The following RUFY3 variants were observed in gnomAD, a reference collection of about 807,000 sequenced individuals.
The protein encoded by RUFY3 is protein RUFY3.
In RUFY3, 34 loss-of-function variants were observed where a neutral mutation model predicts 84.0. That is an observed-to-expected ratio of 0.40 (90% CI 0.31 to 0.54). The LOEUF (loss-of-function observed/expected upper bound fraction) is 0.54. Ranked by LOEUF, RUFY3 falls within the 20% of genes least tolerant of loss-of-function variation. The probability of loss-of-function intolerance (pLI) is 0.39; values close to 1 mark genes in which losing one functional copy is unlikely to be tolerated. For missense variants in RUFY3, 507 were observed against 736.8 expected (o/e 0.69, Z 3.61); for synonymous variants, 242 against 252.9 (o/e 0.96, Z 0.41).
At chr4:70,739,165 AT>A (rs1720905151) in intron 1 of RUFY3, among the ~76,000 whole-genome samples, 1 of 151,816 alleles carries the variant, frequency 6.6e-6, no homozygotes, top group African/African-American at 2.4e-5. Flanking sequence ...ACCTCAAAGC[AT>A]TTATGAAAAT....
chr4:70,788,756 A>G (rs1730321658), intron 10 of RUFY3, 50 bp from the exon 11 acceptor site: 1 of 1,597,744 alleles, frequency 6.3e-7, no homozygotes, highest in Admixed American at 1.7e-5. Flanking sequence ...TATGGTTTGT[A>G]CTTAGTTGAA....
In RUFY3 at chr4:70,800,218, C is replaced by G; in HGVS notation, c.1622+13C>G. ...AAGAAAGCCACAGGTGTTTGTTAAT[C>G]AAGTATTAACTAAGATGTAAAGTTA... On this transcript the variant is annotated intron_variant, in intron 15 of 17. Transcript: ENST00000381006. The G allele has an allele frequency of 6.3e-7, 1 of 1,586,828 alleles. No individual in the cohort carries two copies.
At chr4:70,802,085 A>G (rs1732301449) in intron 15 of RUFY3, among the ~76,000 whole-genome samples, 1 of 152,234 alleles carries the variant, frequency 6.6e-6, no homozygotes, top group South Asian at 2.1e-4. Flanking sequence ...CAGATGAGAA[A>G]ACTGAGAAGC....
rs879451569 is a variant in RUFY3 at position 70,807,844 on chromosome 4, T to TAA, written c.*1186_*1187insAA. Among the ~76,000 whole-genome samples the TAA allele has an allele frequency of 6.6e-6, 1 of 152,124 alleles. No individual in the cohort carries two copies. The highest frequency in any genetic ancestry group is 6.5e-5 in the Admixed American group (1 of 15,274). ...CTGAGAACAGTTAGCTCGGAATACT[T>TAA]ACATTGTTTTTTGAATAAGGAATTC... On this transcript the variant is annotated 3_prime_UTR_variant, in exon 18 of 18. Coordinates refer to ENST00000381006, the MANE Select transcript of RUFY3 (RefSeq NM_001037442.4).
intron 14 of RUFY3, among the ~76,000 whole-genome samples, chr4:70,795,155 T>C (rs1009663590): frequency 3.3e-5 from 5 of 152,216 alleles, no homozygotes; most frequent in Non-Finnish European, 5.9e-5. Context: ...TTTAATAATT[T>C]TTTAAGTAAG....
intron 10 of RUFY3, among the ~76,000 whole-genome samples, chr4:70,787,187 A>AAAAAAAAAAAAAAAAATATATATAT (rs1553920475): frequency 6.1e-5 from 5 of 81,460 alleles, no homozygotes; most frequent in African/African-American, 2.6e-4. Context: ...AAAAAAAAAA[A>AAAAAAAAAAAAAAAAATATATATAT]ATATATATAT....
intron 7 of RUFY3, among the ~76,000 whole-genome samples, chr4:70,775,436 TG>T (rs1720919956): frequency 6.6e-6 from 1 of 151,478 alleles, no homozygotes; most frequent in African/African-American, 2.4e-5. Context: ...CAGTATATAA[TG>T]TTATATATAA....
intron 2 of RUFY3, among the ~76,000 whole-genome samples, chr4:70,762,894 T>C (rs1725270055): frequency 6.6e-6 from 1 of 152,198 alleles, no homozygotes; most frequent in Non-Finnish European, 1.5e-5. Context: ...GATCATTAAA[T>C]GTTACAGTTG....
In RUFY3 at chr4:70,788,807, A is replaced by T. The variant is rs772851352; in HGVS notation, c.1073A>T (p.Asp358Val). ...CAATTTACTTACCTTTGGGGGCAGG[A>T]TGTTGAGAAAGAACTGGAGATGCAG... The part of the protein sequence containing the change: ...HLKEETQLRL[D>V]VEKELEMQIS... The change falls in exon 11 of 18, where the codon GAT (aspartate) becomes GTT (valine). Residue 358 changes from aspartate to valine, a missense_variant and splice_region_variant. Around this residue, in one of 4 missense-constraint regions of RUFY3, gnomAD observed 334 missense variants for 364.1 expected, o/e 0.92. Coordinates refer to ENST00000381006, the MANE Select transcript of RUFY3 (RefSeq NM_001037442.4). The T allele has an allele frequency of 1.2e-6, 2 of 1,613,736 alleles. No homozygotes were observed. Among genetic ancestry groups the T allele is most frequent in the East Asian group, 2.2e-5 (1 of 44,886 alleles).
At chr4:70,776,019 ATTAAT>A (rs1461475249) in intron 7 of RUFY3, among the ~76,000 whole-genome samples, 1 of 151,952 alleles carries the variant, frequency 6.6e-6, no homozygotes, top group African/African-American at 2.4e-5. Flanking sequence ...AATTAATAGC[ATTAAT>A]TTAATATATA....
In RUFY3 at chr4:70,740,848, A is replaced by T. The variant is rs186398057; in HGVS notation, c.178+18097A>T. ...TATATAGACACATAATTCCAAAATT[A>T]AAAAAACCTCTGGAAATGAAAAGCA... On this transcript the variant is annotated intron_variant, in intron 1 of 17. Coordinates refer to ENST00000381006, the MANE Select transcript of RUFY3 (RefSeq NM_001037442.4). Among the ~76,000 whole-genome samples the T allele has an allele frequency of 2.3e-4, 35 of 152,290 alleles. No individual in the cohort carries two copies. In the East Asian group the frequency reaches 6.2e-3, roughly 27 times the overall value.
Position 70,763,533 on chromosome 4 carries a change from T to C in RUFY3, c.353-19T>C, listed in dbSNP as rs1488596150. 2 of 1,593,348 alleles carry C rather than the reference T, an allele frequency of 1.3e-6. No individual in the cohort carries two copies. The highest frequency in any genetic ancestry group is 1.1e-5 in the South Asian group (1 of 89,054). On this transcript the variant is annotated intron_variant, in intron 2 of 17. Coordinates refer to ENST00000381006, the MANE Select transcript of RUFY3 (RefSeq NM_001037442.4). Reference sequence around the variant, plus strand: ...GTTGTAAAGAATATTAAAATACTGCTTTATTTTTGTTGCCTTAGCTAAAAA... The same window carrying C: ...GTTGTAAAGAATATTAAAATACTGCCTTATTTTTGTTGCCTTAGCTAAAAA...
At chr4:70,735,759 G>A (rs997163102) in intron 1 of RUFY3, among the ~76,000 whole-genome samples, 1 of 152,040 alleles carries the variant, frequency 6.6e-6, no homozygotes, top group African/African-American at 2.4e-5. Flanking sequence ...GGTCGAGGCG[G>A]GTGGATCACC....
At chr4:70,794,701 T>A in intron 13 of RUFY3, 94 bp from the exon 14 acceptor site, 2 of 784,192 alleles carry the variant, frequency 2.6e-6, no homozygotes, top group Non-Finnish European at 4.4e-6. Context: ...CATTCGTAAT[T>A]ACTGCACTTT....
chr4:70,752,328 T>G lies in RUFY3; in HGVS notation c.179-10191T>G, dbSNP rs542146177. 1.6e-3 allele frequency among the ~76,000 whole-genome samples: 239 copies of G among 151,180 alleles called. 1 individual carries two copies. Among genetic ancestry groups the G allele is most frequent in the African/African-American group, 5.5e-3 (228 of 41,082 alleles). ...ATACTTTGTGTGTGTGTGTGTGGAT[T>G]CCTTAGGATTTTTTATATACAAGAT... On this transcript the variant is annotated intron_variant, in intron 1 of 17. Coordinates refer to ENST00000381006, the MANE Select transcript of RUFY3 (RefSeq NM_001037442.4).
At position 70,775,175 on chromosome 4, in the gene RUFY3, C is replaced by G; in HGVS notation, c.766C>G (p.Gln256Glu). The change falls in exon 7 of 18, where the codon CAG becomes GAG. Residue 256 changes from glutamine (Q) to glutamate (E), a missense_variant. Gln to Glu is a conservative substitution (Grantham distance 29). Coordinates refer to ENST00000381006, the MANE Select transcript of RUFY3 (RefSeq NM_001037442.4). ...NSSKGTEGDGQITAILDQKNY... is the reference protein window; with the variant it reads ...NSSKGTEGDGEITAILDQKNY... ...TTCTTCCCCTTCCCCCAGAGACGGTCAGATTACTGCAATTCTGGACCAGAA... is the reference window on the plus strand; with the variant it reads ...TTCTTCCCCTTCCCCCAGAGACGGTGAGATTACTGCAATTCTGGACCAGAA... 6.3e-7 allele frequency: 1 copy of G among 1,597,844 alleles called. No homozygotes were observed. Among genetic ancestry groups the G allele is most frequent in the African/African-American group, 1.3e-5 (1 of 74,486 alleles).
intron 10 of RUFY3, among the ~76,000 whole-genome samples, chr4:70,785,689 C>A (rs140915056): frequency 0.027 from 4,052 of 149,120 alleles, 73 homozygotes; most frequent in Middle Eastern, 0.055. Context: ...AAAAAAAAAT[C>A]AGCCGGGCAT....
chr4:70,721,182 G>A (rs1742237957), upstream of RUFY3, among the ~76,000 whole-genome samples: 1 of 151,762 alleles, frequency 6.6e-6, no homozygotes, highest in South Asian at 2.1e-4. Context: ...CGTGGTGGTG[G>A]GTGCCTGTAA....
intron 1 of RUFY3, among the ~76,000 whole-genome samples, chr4:70,744,601 G>A (rs751451534): frequency 3.3e-5 from 5 of 150,940 alleles, no homozygotes; most frequent in Non-Finnish European, 7.4e-5. Context: ...TGAACTGGTC[G>A]TTGTTTTTGT....
Sources: allele counts gnomAD v4.1 joint callset (sites outside exome capture counted in the v4.1 genomes callset), GRCh38; gene constraint gnomAD v4.1.1; regional missense constraint gnomAD v4.1.1; transcripts MANE v1.5; gene names NCBI Gene and HGNC (gene_info 2026-07-23, HGNC 2026-07-21).